Variants in ZNF609 observed in about 807,000 individuals in gnomAD.
ZNF609 encodes zinc finger protein 609.
In ZNF609, 11 loss-of-function variants were observed where a neutral mutation model predicts 109.5. The ratio of observed to expected loss-of-function variants is 0.10; its 90% CI spans 0.06 to 0.17. The LOEUF (loss-of-function observed/expected upper bound fraction) is 0.17. ZNF609 is among the 10% of genes least tolerant of loss of function. ZNF609 has a pLI of 1.00. For missense variants in ZNF609, 1,559 were observed against 1,772.4 expected, an observed-to-expected ratio of 0.88 and a Z score of 2.16; for synonymous variants, 646 against 662.0, an observed-to-expected ratio of 0.98 and a Z score of 0.37.
intron 2 of ZNF609, among the ~76,000 whole-genome samples, chr15:64,562,719 G>A (rs1026840655): frequency 2.2e-5 from 3 of 134,096 alleles, no homozygotes; most frequent in African/African-American, 5.1e-5. Context: ...ACTATAGCCC[G>A]AGTTTAAAGA....
chr15:64,583,805 G>C (rs1364527795), intron 2 of ZNF609, among the ~76,000 whole-genome samples: 3 of 152,114 alleles, frequency 2.0e-5, no homozygotes, highest in Non-Finnish European at 4.4e-5. Flanking sequence ...TATCTTTTAG[G>C]ACTTTGAGCG....
intron 2 of ZNF609, among the ~76,000 whole-genome samples, chr15:64,522,161 C>T (rs761593378): frequency 9.2e-5 from 14 of 152,186 alleles, no homozygotes; most frequent in Non-Finnish European, 1.9e-4. Context: ...CCTGTCCACT[C>T]GGTTTTCTGT....
intron 3 of ZNF609, among the ~76,000 whole-genome samples, chr15:64,632,668 G>A (rs899109481): frequency 4.0e-5 from 6 of 151,554 alleles, no homozygotes; most frequent in Admixed American, 1.3e-4. Context: ...ATGTGGTTTC[G>A]CTATGTTGGC....
chr15:64,578,476 C>G (rs1595725945), intron 2 of ZNF609, among the ~76,000 whole-genome samples: 1 of 151,998 alleles, frequency 6.6e-6, no homozygotes, highest in Admixed American at 6.6e-5. Flanking sequence ...GGGCGGATCA[C>G]AAGGCCAGGA....
intron 2 of ZNF609, among the ~76,000 whole-genome samples, chr15:64,554,032 G>T (rs759378000): frequency 3.9e-5 from 6 of 152,144 alleles, no homozygotes; most frequent in Non-Finnish European, 7.4e-5. Flanking sequence ...GATTAGGAAA[G>T]TTTAACTTCC....
chr15:64,500,086 C>G lies in ZNF609; in HGVS notation c.667C>G (p.Leu223Val), dbSNP rs768959507. 6.2e-7 allele frequency: 1 copy of G among 1,614,060 alleles called. No homozygotes were observed. Among genetic ancestry groups the G allele is most frequent in the South Asian group, 1.1e-5 (1 of 91,086 alleles). Reference protein sequence around the residue: ...GSIAIEPGAALNPLGTKPEPE... With the variant: ...GSIAIEPGAAVNPLGTKPEPE... Reference sequence around the variant, plus strand: ...TATAGCTATTGAGCCTGGGGCAGCGCTCAATCCTTTGGGAACTAAACCGGA... The same window carrying G: ...TATAGCTATTGAGCCTGGGGCAGCGGTCAATCCTTTGGGAACTAAACCGGA... Residue 223 changes from leucine (L) to valine (V), a missense_variant, in exon 2 of 10, where the codon CTC becomes GTC. Leu to Val is a conservative substitution (Grantham distance 32). Around this residue, in one of 4 missense-constraint regions of ZNF609, gnomAD observed 291 missense variants for 317.8 expected, o/e 0.92. Transcript: ENST00000326648.
chr15:64,588,199 C>T (rs1333462071), intron 2 of ZNF609, among the ~76,000 whole-genome samples: 15 of 148,270 alleles, frequency 1.0e-4, no homozygotes, highest in East Asian at 2.1e-4. Flanking sequence ...GAGGCCGAGG[C>T]GGGCGGATCA....
At chr15:64,537,358 G>A (rs376617511) in intron 2 of ZNF609, among the ~76,000 whole-genome samples, 3 of 149,776 alleles carry the variant, frequency 2.0e-5, no homozygotes, top group East Asian at 2.0e-4. Context: ...AAAATTAGCC[G>A]GGTGTGGTGG....
At chr15:64,603,532 G>A (rs1169808781) in intron 2 of ZNF609, among the ~76,000 whole-genome samples, 1 of 151,408 alleles carries the variant, frequency 6.6e-6, no homozygotes, top group Non-Finnish European at 1.5e-5. Context: ...GCCTCCCAAA[G>A]TACTGGGATT....
At chr15:64,634,888 C>T (rs1474338492) in intron 3 of ZNF609, among the ~76,000 whole-genome samples, 1 of 152,138 alleles carries the variant, frequency 6.6e-6, no homozygotes, top group African/African-American at 2.4e-5. Context: ...CCCACCCCTC[C>T]CCCACCAAAA....
intron 2 of ZNF609, among the ~76,000 whole-genome samples, chr15:64,509,124 T>A (rs192500959): frequency 6.6e-6 from 1 of 152,324 alleles, no homozygotes; most frequent in East Asian, 1.9e-4. Context: ...AACTTTAAAA[T>A]GTAACGCTGG....
intron 1 of ZNF609, among the ~76,000 whole-genome samples, chr15:64,497,471 G>A (rs1391002262): frequency 6.6e-6 from 1 of 152,076 alleles, no homozygotes; most frequent in African/African-American, 2.4e-5. Flanking sequence ...TGCTCTGAGG[G>A]AATAGGTAAA....
chr15:64,498,386 C>G (rs944479324), intron 1 of ZNF609, among the ~76,000 whole-genome samples: 7 of 152,118 alleles, frequency 4.6e-5, no homozygotes, highest in African/African-American at 1.2e-4. Flanking sequence ...ACCACCACCC[C>G]CTTTTGTAGC....
intron 2 of ZNF609, among the ~76,000 whole-genome samples, chr15:64,538,772 C>T (rs1894196058): frequency 6.6e-6 from 1 of 151,988 alleles, no homozygotes; most frequent in Admixed American, 6.6e-5. Context: ...TCTTGAACTC[C>T]CGACCTCAAG....
rs2141020176 is a variant in ZNF609 at position 64,680,599 on chromosome 15, A to T, written c.3946-47A>T. On this transcript the variant is annotated intron_variant, in intron 7 of 9. Coordinates refer to ENST00000326648, the MANE Select transcript of ZNF609 (RefSeq NM_015042.2). ...TGTGTGTGTGTGTGTGGTTGTATGC[A>T]TATGTGTCTCACTATAGTGCTTTTG... 2.0e-6 allele frequency: 3 copies of T among 1,465,276 alleles called. No homozygotes were observed. The East Asian group carries it at 6.8e-5, about 33-fold the overall frequency. 90.8% of individuals were successfully genotyped at this position (1,465,276 alleles called of 1,614,324 possible).
In ZNF609 at chr15:64,634,627, C is replaced by T. The variant is rs1330878043; in HGVS notation, c.973+11575C>T. On this transcript the variant is annotated intron_variant, in intron 3 of 9. Coordinates refer to ENST00000326648, the MANE Select transcript of ZNF609 (RefSeq NM_015042.2). ...TTCTCATATGCTATAATTAATGCCC[C>T]TTCACCTTCAGTCTTGCCCCAGGCA... Among the ~76,000 whole-genome samples, 3 of 152,134 alleles carry T rather than the reference C, an allele frequency of 2.0e-5. No homozygotes were observed. In the East Asian group the frequency reaches 5.8e-4, roughly 29 times the overall value.
At chr15:64,543,923 T>C (rs1894313017) in intron 2 of ZNF609, among the ~76,000 whole-genome samples, 1 of 152,204 alleles carries the variant, frequency 6.6e-6, no homozygotes, top group African/African-American at 2.4e-5. Flanking sequence ...GCAAGTCTTG[T>C]GTTGTCTTTG....
At chr15:64,603,104 A>G (rs1895531115) in intron 2 of ZNF609, among the ~76,000 whole-genome samples, 1 of 151,598 alleles carries the variant, frequency 6.6e-6, no homozygotes, top group African/African-American at 2.4e-5. Context: ...TTTAAAACTC[A>G]TACCTAAAGT....
chr15:64,592,936 A>T (rs371524859), intron 2 of ZNF609: 28 of 837,372 alleles, frequency 3.3e-5, no homozygotes, highest in African/African-American at 1.5e-4. Flanking sequence ...AAATAAATAA[A>T]ATAAAAATAA....
Sources: allele counts gnomAD v4.1 joint callset (sites outside exome capture counted in the v4.1 genomes callset), GRCh38; gene constraint gnomAD v4.1.1; regional missense constraint gnomAD v4.1.1; transcripts MANE v1.5; gene names NCBI Gene and HGNC (gene_info 2026-07-23, HGNC 2026-07-21).